Variants in ERICH1 observed in about 807,000 individuals in gnomAD.
The protein encoded by ERICH1 is glutamate rich 1.
A neutral mutation model predicts 39.6 loss-of-function variants in ERICH1; 56 were observed. That is an observed-to-expected ratio of 1.41 (90% CI 1.14 to 1.77). The LOEUF (loss-of-function observed/expected upper bound fraction) is 1.77. Ranked by LOEUF, ERICH1 falls within the 40% of genes most tolerant of loss-of-function variation. The pLI is 0.00. For synonymous variants in ERICH1, 313 were observed against 223.6 expected (o/e 1.40, Z -3.57); for missense variants, 826 against 575.4 (o/e 1.44, Z -4.45).
intron 3 of ERICH1, among the ~76,000 whole-genome samples, chr8:636,137 G>T (rs954283588): frequency 6.6e-6 from 1 of 152,188 alleles, no homozygotes; most frequent in South Asian, 2.1e-4. Flanking sequence ...AATGTCTGGC[G>T]CGCTCTAAGG....
At chr8:653,231 G>A (rs1223800511) in intron 3 of ERICH1, among the ~76,000 whole-genome samples, 2 of 152,216 alleles carry the variant, frequency 1.3e-5, no homozygotes, top group Non-Finnish European at 2.9e-5. Flanking sequence ...GACAAACACA[G>A]TGCCATGTGC....
chr8:666,193 T>A (rs536735536), intron 5 of ERICH1: 2 of 152,294 alleles, frequency 1.3e-5, no homozygotes, highest in South Asian at 4.1e-4. Flanking sequence ...ATTGTTTTAA[T>A]AATGGGGGGT....
chr8:704,817 G>A (rs1303936881), intron 2 of ERICH1, among the ~76,000 whole-genome samples: 1 of 152,120 alleles, frequency 6.6e-6, no homozygotes, highest in Non-Finnish European at 1.5e-5. Context: ...GACTCTGAAA[G>A]GGGGGGTGGT....
intron 2 of ERICH1, among the ~76,000 whole-genome samples, chr8:694,610 C>G (rs776707902): frequency 2.6e-5 from 4 of 152,206 alleles, no homozygotes; most frequent in Non-Finnish European, 5.9e-5. Context: ...CAAGTGGCAC[C>G]TCCTGCGACA....
At chr8:624,631 A>T (rs336427) in intron 3 of ERICH1, among the ~76,000 whole-genome samples, 27,673 of 152,206 alleles carry the variant, frequency 0.18, 3,097 homozygotes, top group Middle Eastern at 0.33. Flanking sequence ...GGCAGAAGGT[A>T]AAGGGGAAGC....
intron 3 of ERICH1, among the ~76,000 whole-genome samples, chr8:691,488 C>CTT (rs1345495044): frequency 6.6e-6 from 1 of 152,246 alleles, no homozygotes; most frequent in Non-Finnish European, 1.5e-5. Context: ...CCGCGGACAA[C>CTT]AGGAAGGGCG....
At chr8:699,209 TGTGTAAGGCTG>T (rs1811085525) in intron 2 of ERICH1, among the ~76,000 whole-genome samples, 1 of 150,768 alleles carries the variant, frequency 6.6e-6, no homozygotes. Context: ...TGATACGAGA[TGTGTAAGGCTG>T]GTTATCATCA....
chr8:665,810 C>T (rs778251184), intron 5 of ERICH1, among the ~76,000 whole-genome samples: 3 of 152,168 alleles, frequency 2.0e-5, no homozygotes, highest in South Asian at 2.1e-4. Flanking sequence ...GCAGAGGAGA[C>T]GTGACCAGCA....
At chr8:708,332 C>G (rs1255524368) in intron 2 of ERICH1, among the ~76,000 whole-genome samples, 1 of 152,142 alleles carries the variant, frequency 6.6e-6, no homozygotes, top group African/African-American at 2.4e-5. Flanking sequence ...CCAGGCCACA[C>G]AAGAACATGT....
intron 2 of ERICH1, among the ~76,000 whole-genome samples, chr8:713,068 C>G (rs551051908): frequency 1.3e-5 from 2 of 152,246 alleles, no homozygotes; most frequent in Non-Finnish European, 2.9e-5. Flanking sequence ...CCTTGGCTTG[C>G]AGACGCCGTT....
chr8:638,882 C>T (rs567306586), intron 3 of ERICH1, among the ~76,000 whole-genome samples: 7 of 152,228 alleles, frequency 4.6e-5, no homozygotes, highest in East Asian at 3.9e-4. Context: ...GCTCAGTGGA[C>T]GCTGCCTCCG....
intron 3 of ERICH1, among the ~76,000 whole-genome samples, chr8:652,366 GC>G (rs1311919010): frequency 3.3e-5 from 5 of 152,228 alleles, no homozygotes; most frequent in African/African-American, 1.2e-4. Flanking sequence ...GACAACACAG[GC>G]TCGCAACCAA....
At chr8:624,959 C>T (rs890975932) in intron 3 of ERICH1, among the ~76,000 whole-genome samples, 3 of 152,094 alleles carry the variant, frequency 2.0e-5, no homozygotes, top group African/African-American at 7.2e-5. Context: ...ATCTCCTGAC[C>T]TCGTGATCCG....
intron 2 of ERICH1, among the ~76,000 whole-genome samples, chr8:701,315 G>A (rs184799060): frequency 1.3e-5 from 2 of 151,920 alleles, no homozygotes; most frequent in Non-Finnish European, 2.9e-5. Context: ...ATACCTACGG[G>A]TCTGCCCTGC....
intron 2 of ERICH1, among the ~76,000 whole-genome samples, chr8:694,737 T>A (rs1475374971): frequency 1.3e-5 from 2 of 152,186 alleles, no homozygotes; most frequent in East Asian, 3.9e-4. Context: ...TATATTCTTT[T>A]GGGTAATGTA....
intron 2 of ERICH1, among the ~76,000 whole-genome samples, chr8:697,021 C>T (rs563845426): frequency 1.3e-5 from 2 of 152,182 alleles, no homozygotes; most frequent in Non-Finnish European, 2.9e-5. Context: ...TTGGAGCCCT[C>T]GGTGGGGATC....
intron 3 of ERICH1, among the ~76,000 whole-genome samples, chr8:635,751 G>A (rs766695175): frequency 1.3e-5 from 2 of 152,182 alleles, no homozygotes; most frequent in Non-Finnish European, 1.5e-5. Context: ...GAGTGGGGCC[G>A]ACGCTCCCCC....
intron 2 of ERICH1, among the ~76,000 whole-genome samples, chr8:708,936 C>G (rs1269184694): frequency 6.6e-6 from 1 of 151,876 alleles, no homozygotes; most frequent in African/African-American, 2.4e-5. Flanking sequence ...CTCAAGTGAT[C>G]CACCCACCTC....
intron 2 of ERICH1, among the ~76,000 whole-genome samples, chr8:712,427 G>C (rs1022045676): frequency 2.6e-5 from 4 of 151,994 alleles, no homozygotes; most frequent in Non-Finnish European, 5.9e-5. Flanking sequence ...ACCGTGTTTT[G>C]TTTTGTTTTG....
Sources: gnomAD v4.1 joint callset for allele counts (sites outside exome capture counted in the v4.1 genomes callset) on GRCh38, gnomAD v4.1.1 for gene constraint, MANE v1.5 for transcripts, NCBI Gene and HGNC (gene_info 2026-07-23, HGNC 2026-07-21) for gene names.